Variants in LSAMP observed in about 807,000 individuals in gnomAD.
LSAMP encodes the protein limbic system-associated membrane protein.
A neutral mutation model predicts 38.6 loss-of-function variants in LSAMP; 7 were observed. That is an observed-to-expected ratio of 0.18 (90% CI 0.10 to 0.34). LSAMP has a LOEUF of 0.34. Among genes scored for constraint, LSAMP ranks in the 10% least tolerant of loss-of-function variants. The pLI is 1.00. For synonymous variants in LSAMP, 154 were observed against 166.8 expected (o/e 0.92, Z 0.59); for missense variants, 313 against 420.0 (o/e 0.75, Z 2.23).
At chr3:116,342,414 A>T (rs936097145) in intron 1 of LSAMP, among the ~76,000 whole-genome samples, 2 of 152,076 alleles carry the variant, frequency 1.3e-5, no homozygotes, top group African/African-American at 4.8e-5. Flanking sequence ...AAAATAGGGG[A>T]TCTGAACCAA....
intron 3 of LSAMP, among the ~76,000 whole-genome samples, chr3:115,986,727 C>T (rs1158323739): frequency 6.6e-6 from 1 of 152,052 alleles, no homozygotes; most frequent in Non-Finnish European, 1.5e-5. Flanking sequence ...TGAGGAAGAA[C>T]ACAAAATCAG....
intron 3 of LSAMP, among the ~76,000 whole-genome samples, chr3:115,894,858 C>G (rs1488700329): frequency 6.6e-6 from 1 of 152,078 alleles, no homozygotes; most frequent in East Asian, 1.9e-4. Flanking sequence ...ACCCACAAAT[C>G]TCTCCTTTAT....
intron 1 of LSAMP, among the ~76,000 whole-genome samples, chr3:116,232,699 C>CTTTTTTTTTTTTTTTTT (rs1219296323): frequency 3.0e-4 from 30 of 99,464 alleles, no homozygotes; most frequent in South Asian, 8.9e-4. Flanking sequence ...TTCTTTCTTT[C>CTTTTTTTTTTTTTTTTT]TTTTTTTTTT....
chr3:116,432,920 C>T lies in LSAMP; in HGVS notation c.155+11957G>A, dbSNP rs543648498. On this transcript the variant is annotated intron_variant, in intron 1 of 6. Coordinates refer to ENST00000490035, the MANE Select transcript of LSAMP (RefSeq NM_002338.5). ...AGAGAGACAAAGAAAAAAATCCATT[C>T]TCCTGCTAAGTTAATGATTCAGCAA... is the stretch of plus-strand genomic sequence containing the variant. Among the ~76,000 whole-genome samples the T allele has an allele frequency of 1.9e-4, 29 of 152,286 alleles. 2 individuals are homozygous for T. In the South Asian group the frequency reaches 6.0e-3, roughly 32 times the overall value.
At chr3:116,385,143 G>C (rs1180131149) in intron 1 of LSAMP, among the ~76,000 whole-genome samples, 1 of 151,218 alleles carries the variant, frequency 6.6e-6, no homozygotes, top group African/African-American at 2.4e-5. Flanking sequence ...AAGGCGAAAA[G>C]GAAACGCTAT....
At chr3:116,182,374 A>C (rs963204895) in intron 1 of LSAMP, among the ~76,000 whole-genome samples, 1 of 151,164 alleles carries the variant, frequency 6.6e-6, no homozygotes, top group Non-Finnish European at 1.5e-5. Context: ...ATATATATTG[A>C]ACTTATATAT....
chr3:115,844,580 T>C (rs28519613), intron 4 of LSAMP, among the ~76,000 whole-genome samples: 1 of 152,142 alleles, frequency 6.6e-6, no homozygotes, highest in African/African-American at 2.4e-5. Flanking sequence ...GATTTAAAAT[T>C]TGGCAGACAT....
chr3:115,953,459 C>T (rs1436132678), intron 3 of LSAMP, among the ~76,000 whole-genome samples: 2 of 127,146 alleles, frequency 1.6e-5, no homozygotes, highest in Non-Finnish European at 3.4e-5. Flanking sequence ...TAAAATACAC[C>T]AAATATAAAT....
At chr3:115,880,498 T>C (rs376481248) in intron 3 of LSAMP, among the ~76,000 whole-genome samples, 3 of 152,160 alleles carry the variant, frequency 2.0e-5, no homozygotes, top group East Asian at 1.9e-4. Flanking sequence ...AATTTTCCTC[T>C]TGAGATGCTC....
chr3:116,280,098 C>T (rs1045099395), intron 1 of LSAMP, among the ~76,000 whole-genome samples: 5 of 151,970 alleles, frequency 3.3e-5, no homozygotes, highest in South Asian at 2.1e-4. Flanking sequence ...TCTGGTGTAA[C>T]GTAAGAGAAA....
At chr3:115,863,067 T>C (rs1935754573) in intron 3 of LSAMP, among the ~76,000 whole-genome samples, 1 of 152,210 alleles carries the variant, frequency 6.6e-6, no homozygotes, top group Admixed American at 6.6e-5. Flanking sequence ...ATGTTTCAAG[T>C]GCTTGACAGG....
intron 1 of LSAMP, among the ~76,000 whole-genome samples, chr3:116,148,737 T>G (rs2107524412): frequency 6.6e-6 from 1 of 152,094 alleles, no homozygotes; most frequent in African/African-American, 2.4e-5. Flanking sequence ...TCTGTCAGAG[T>G]AATTTAACAT....
At chr3:116,109,412 C>T (rs1056195121) in intron 1 of LSAMP, among the ~76,000 whole-genome samples, 5 of 152,068 alleles carry the variant, frequency 3.3e-5, no homozygotes, top group Non-Finnish European at 5.9e-5. Context: ...ATTAGAAAGA[C>T]TCAGCAACGC....
chr3:116,106,438 T>A (rs1357063067), intron 1 of LSAMP, among the ~76,000 whole-genome samples: 1 of 152,134 alleles, frequency 6.6e-6, no homozygotes, highest in African/African-American at 2.4e-5. Context: ...AAGGAGTGTC[T>A]ATACAGCAGC....
At chr3:115,872,698 C>T (rs372789375) in intron 3 of LSAMP, among the ~76,000 whole-genome samples, 5 of 152,046 alleles carry the variant, frequency 3.3e-5, no homozygotes, top group Non-Finnish European at 5.9e-5. Flanking sequence ...AGAATTCTCA[C>T]GTGAATTATA....
intron 1 of LSAMP, among the ~76,000 whole-genome samples, chr3:116,338,660 A>T (rs949942705): frequency 6.6e-6 from 1 of 152,006 alleles, no homozygotes; most frequent in Admixed American, 6.6e-5. Context: ...CAGCTAAAAG[A>T]TGGATGTGTA....
At chr3:116,248,247 T>C (rs1461039910) in intron 1 of LSAMP, among the ~76,000 whole-genome samples, 4 of 152,124 alleles carry the variant, frequency 2.6e-5, no homozygotes, top group African/African-American at 9.7e-5. Flanking sequence ...AGAAAGGAAA[T>C]AGAATCTTAC....
intron 1 of LSAMP, among the ~76,000 whole-genome samples, chr3:116,272,137 C>T (rs2046982369): frequency 1.3e-5 from 2 of 149,882 alleles, no homozygotes; most frequent in East Asian, 1.9e-4. Flanking sequence ...ATTACAGTTC[C>T]ATAAACAAAT....
At chr3:116,317,334 A>G (rs2047643270) in intron 1 of LSAMP, among the ~76,000 whole-genome samples, 1 of 151,698 alleles carries the variant, frequency 6.6e-6, no homozygotes, top group Non-Finnish European at 1.5e-5. Flanking sequence ...CACAATACAA[A>G]GAGAGCCCAA....
Sources: gnomAD v4.1 joint callset for allele counts (sites outside exome capture counted in the v4.1 genomes callset) on GRCh38, gnomAD v4.1.1 for gene constraint, MANE v1.5 for transcripts, NCBI Gene and HGNC (gene_info 2026-07-23, HGNC 2026-07-21) for gene names.